ZNF503: variants seen among roughly 807,000 people sequenced by gnomAD.
ZNF503 encodes zinc finger protein 503, also known as NocA-like zinc finger 2.
Under a neutral mutation model 34.4 loss-of-function variants are expected in ZNF503, and 15 were observed. The ratio of observed to expected loss-of-function variants is 0.44; its 90% confidence interval spans 0.29 to 0.67. The LOEUF (loss-of-function observed/expected upper bound fraction) is 0.67. Ranked by LOEUF, ZNF503 falls within the 30% of genes least tolerant of loss-of-function variation. ZNF503 has a pLI of 0.13. For missense variants in ZNF503, 1,007 were observed against 926.8 expected (o/e 1.09, Z -1.12); for synonymous variants, 580 against 456.8 (o/e 1.27, Z -3.44).
At chr10:75,331,813 T>C in the ZNF503 span, among the ~76,000 whole-genome samples, 2 of 152,322 alleles carry the variant, frequency 1.3e-5, no homozygotes, top group South Asian at 4.1e-4. Flanking sequence ...TCTTCCTTTA[T>C]ATCTAATAAT....
chr10:75,340,022 C>T, the ZNF503 span, among the ~76,000 whole-genome samples: 1 of 151,954 alleles, frequency 6.6e-6, no homozygotes, highest in Admixed American at 6.6e-5. Context: ...TGAGACCAGC[C>T]TGGGCAACAC....
At chr10:75,347,309 G>A in the ZNF503 span, among the ~76,000 whole-genome samples, 1 of 152,096 alleles carries the variant, frequency 6.6e-6, no homozygotes, top group Admixed American at 6.5e-5. Flanking sequence ...TGAAGGAGAG[G>A]AAAATGTGAC....
the ZNF503 span, chr10:75,283,468 G>A: frequency 2.0e-5 from 3 of 152,254 alleles, no homozygotes; most frequent in East Asian, 1.9e-4. Flanking sequence ...CATTTGTCTC[G>A]ATGACAAACC....
At chr10:75,381,334 G>C in the ZNF503 span, among the ~76,000 whole-genome samples, 2 of 152,086 alleles carry the variant, frequency 1.3e-5, no homozygotes, top group Admixed American at 1.3e-4. Flanking sequence ...AGCAATCCTC[G>C]TACTCAACTT....
the ZNF503 span, chr10:75,338,326 T>C: frequency 1.3e-5 from 2 of 152,220 alleles, no homozygotes; most frequent in African/African-American, 4.8e-5. Context: ...CAACAGACGA[T>C]GGTACTTAAG....
Position 75,400,270 on chromosome 10 carries a change from G to T in ZNF503, c.420C>A (p.Asn140Lys). ...CGCCGGCACCGCCCGCGCCGCCCCCGTTGGAGGCAACCGAGGAGAGTTTGG... is the reference window on the plus strand; with the variant it reads ...CGCCGGCACCGCCCGCGCCGCCCCCTTTGGAGGCAACCGAGGAGAGTTTGG... Reference protein sequence around the residue: ...PSSKLSSVASNGGGAGGAGGG... With the variant: ...PSSKLSSVASKGGGAGGAGGG... The change falls in exon 2 of 2, where the codon AAC becomes AAA. Residue 140 changes from asparagine (N) to lysine (K), a missense_variant. By Grantham distance (94) the Asn-to-Lys change is moderately conservative. Transcript: ENST00000372524. 6.2e-7 allele frequency: 1 copy of T among 1,613,318 alleles called. No individual in the cohort carries two copies. The highest frequency in any genetic ancestry group is 8.5e-7 in the Non-Finnish European group (1 of 1,179,828).
chr10:75,322,191 T>C, the ZNF503 span, among the ~76,000 whole-genome samples: 1 of 151,110 alleles, frequency 6.6e-6, no homozygotes. Context: ...GTGGTCAATC[T>C]TGGTTCACTG....
chr10:75,344,844 G>T, the ZNF503 span, among the ~76,000 whole-genome samples: 1 of 152,188 alleles, frequency 6.6e-6, no homozygotes, highest in Non-Finnish European at 1.5e-5. Flanking sequence ...CCAGCCATGG[G>T]GCATGAGAGA....
the ZNF503 span, among the ~76,000 whole-genome samples, chr10:75,332,952 G>A: frequency 2.1e-5 from 3 of 143,734 alleles, no homozygotes; most frequent in South Asian, 4.7e-4. Flanking sequence ...CCACAAAGCC[G>A]CCATTGTCAT....
At chr10:75,286,393 G>C in the ZNF503 span, among the ~76,000 whole-genome samples, 8 of 152,180 alleles carry the variant, frequency 5.3e-5, no homozygotes, top group Admixed American at 5.2e-4. Context: ...TACTGGGCTA[G>C]GGCTGTGGGT....
the ZNF503 span, among the ~76,000 whole-genome samples, chr10:75,381,098 A>G: frequency 6.6e-6 from 1 of 152,270 alleles, no homozygotes; most frequent in Non-Finnish European, 1.5e-5. Flanking sequence ...TAACAAAATA[A>G]AGACTACATT....
At chr10:75,371,513 G>A in the ZNF503 span, among the ~76,000 whole-genome samples, 2 of 152,134 alleles carry the variant, frequency 1.3e-5, no homozygotes, top group East Asian at 1.9e-4. Flanking sequence ...CAGTCTATAC[G>A]GCCTACCATG....
chr10:75,385,247 C>T, the ZNF503 span, among the ~76,000 whole-genome samples: 1 of 152,206 alleles, frequency 6.6e-6, no homozygotes, highest in Non-Finnish European at 1.5e-5. Flanking sequence ...ACCGAGGTCA[C>T]CCCTCTTCTG....
rs997259389 is a variant in ZNF503 at position 75,398,190 on chromosome 10, A to G, written c.*559T>C. Reference sequence around the variant, plus strand: ...AACATGCATGTAAATTTGTGTTTCAATCAGACATTAAATAACGTACAATAC... The same window carrying G: ...AACATGCATGTAAATTTGTGTTTCAGTCAGACATTAAATAACGTACAATAC... On this transcript the variant is annotated 3_prime_UTR_variant, in exon 2 of 2. Transcript: ENST00000372524. The G allele has an allele frequency of 6.6e-6, 1 of 152,632 alleles. No individual in the cohort carries two copies. Among genetic ancestry groups the G allele is most frequent in the Non-Finnish European group, 1.5e-5 (1 of 68,076 alleles). 9.5% of individuals were successfully genotyped at this position (152,632 alleles called of 1,614,324 possible). A position where few individuals can be genotyped will look rare whatever the true frequency, so the allele number is the denominator to read the frequency against.
the ZNF503 span, among the ~76,000 whole-genome samples, chr10:75,297,064 C>T: frequency 1.3e-5 from 2 of 152,150 alleles, no homozygotes; most frequent in East Asian, 3.9e-4. Flanking sequence ...CCTTCTGCCA[C>T]ATGAGCCTTC....
At chr10:75,396,648 G>A (rs1399032486), downstream of ZNF503, among the ~76,000 whole-genome samples, 1 of 152,160 alleles carries the variant, frequency 6.6e-6, no homozygotes, top group Non-Finnish European at 1.5e-5. This position sits in a 1 kb window ranked among gnomAD's most constrained non-coding sequence, Gnocchi z 4.4. Flanking sequence ...AGGGGATCCC[G>A]AGACTCGGAG....
chr10:75,339,885 T>TA, the ZNF503 span, among the ~76,000 whole-genome samples: 1 of 151,962 alleles, frequency 6.6e-6, no homozygotes, highest in African/African-American at 2.4e-5. Flanking sequence ...CCTCTCTGCT[T>TA]AGACTAGGGA....
chr10:75,358,726 A>T, the ZNF503 span: 1 of 152,258 alleles, frequency 6.6e-6, no homozygotes, highest in Non-Finnish European at 1.5e-5. Context: ...CAATGAATGG[A>T]TTTTAACAAA....
the ZNF503 span, among the ~76,000 whole-genome samples, chr10:75,340,318 T>TGTAA: frequency 6.6e-6 from 1 of 151,972 alleles, no homozygotes; most frequent in African/African-American, 2.4e-5. Flanking sequence ...CTGGTGGGAG[T>TGTAA]GTAAATTTGT....
Sources: gnomAD v4.1 joint callset for allele counts (sites outside exome capture counted in the v4.1 genomes callset) on GRCh38, gnomAD v4.1.1 for gene constraint, Gnocchi (gnomAD v3.1) non-coding constraint, MANE v1.5 for transcripts, NCBI Gene and HGNC (gene_info 2026-07-23, HGNC 2026-07-21) for gene names.